The following ARHGAP24 variants were observed in gnomAD, a reference collection of about 807,000 sequenced individuals.
ARHGAP24 encodes Rho GTPase activating protein 24.
ARHGAP24 carries 50 observed loss-of-function variants against 76.4 expected under a neutral mutation model. The ratio of observed to expected loss-of-function variants is 0.65; its 90% CI spans 0.52 to 0.83. The LOEUF (loss-of-function observed/expected upper bound fraction) is 0.83, where lower values mean the gene tolerates loss of function less well. Ranked by LOEUF, ARHGAP24 falls within the 40% of genes least tolerant of loss-of-function variation. ARHGAP24 has a pLI of 0.00. For synonymous variants in ARHGAP24, 345 were observed against 323.3 expected, an observed-to-expected ratio of 1.07 and a Z score of -0.72; for missense variants, 930 against 914.2, an observed-to-expected ratio of 1.02 and a Z score of -0.22.
chr4:85,665,334 A>C (rs1439706530), intron 2 of ARHGAP24, among the ~76,000 whole-genome samples: 1 of 152,050 alleles, frequency 6.6e-6, no homozygotes, highest in African/African-American at 2.4e-5. Flanking sequence ...CTAGGATTGC[A>C]ACCCCTGCCT....
chr4:85,524,392 A>G (rs1724902938), intron 1 of ARHGAP24, among the ~76,000 whole-genome samples: 1 of 152,142 alleles, frequency 6.6e-6, no homozygotes, highest in Non-Finnish European at 1.5e-5. Context: ...TAAAATTTCT[A>G]CCATTTAATG....
At chr4:85,718,198 G>T (rs1724802715) in intron 2 of ARHGAP24, among the ~76,000 whole-genome samples, 2 of 152,080 alleles carry the variant, frequency 1.3e-5, no homozygotes, top group Admixed American at 6.6e-5. Context: ...AATTATAAAT[G>T]TATTACAGCA....
intron 2 of ARHGAP24, among the ~76,000 whole-genome samples, chr4:85,621,973 G>A (rs996593313): frequency 3.3e-5 from 5 of 151,956 alleles, no homozygotes; most frequent in African/African-American, 1.2e-4. Context: ...AGTTTTATTT[G>A]TAGGTGTTTA....
At position 85,900,741 on chromosome 4, in the gene ARHGAP24, C is replaced by T. The variant is rs552603637; in HGVS notation, c.269-22907C>T. Among the ~76,000 whole-genome samples, 92 of 152,202 alleles carry T rather than the reference C, an allele frequency of 6.0e-4. No homozygotes were observed. In the South Asian group the frequency reaches 0.019, roughly 31 times the overall value. ...GCGCCCGGCTGGGAAGACCGTTCTT[C>T]GCACCACAAAGGCAAGGGATTCTCC... On this transcript the variant is annotated intron_variant, in intron 3 of 9. Transcript: ENST00000395184.
At chr4:85,968,553 T>C (rs1738768326) in intron 5 of ARHGAP24, among the ~76,000 whole-genome samples, 1 of 152,124 alleles carries the variant, frequency 6.6e-6, no homozygotes, top group African/African-American at 2.4e-5. Flanking sequence ...GAGAGTATGA[T>C]TGACAGGGTT....
chr4:85,513,046 G>A (rs529975079), intron 1 of ARHGAP24, among the ~76,000 whole-genome samples: 1 of 152,342 alleles, frequency 6.6e-6, no homozygotes, highest in Non-Finnish European at 1.5e-5. Flanking sequence ...TCTGCCTTGT[G>A]AATCGTAGGT....
intron 3 of ARHGAP24, among the ~76,000 whole-genome samples, chr4:85,742,798 C>T (rs1725874623): frequency 6.6e-6 from 1 of 152,104 alleles, no homozygotes; most frequent in African/African-American, 2.4e-5. Flanking sequence ...TCTTAGGAGG[C>T]AAAAACAATT....
At chr4:85,487,789 T>TATAATATATA in intron 1 of ARHGAP24, among the ~76,000 whole-genome samples, 1 of 111,426 alleles carries the variant, frequency 9.0e-6, no homozygotes, top group African/African-American at 3.7e-5. Flanking sequence ...TTATATATTA[T>TATAATATATA]ATAAATATAT....
At chr4:85,889,717 T>G (rs1733776619) in intron 3 of ARHGAP24, among the ~76,000 whole-genome samples, 1 of 152,182 alleles carries the variant, frequency 6.6e-6, no homozygotes, top group African/African-American at 2.4e-5. Context: ...ACATTAATTC[T>G]CCTGAAATTC....
At chr4:85,510,973 T>A (rs894280102) in intron 1 of ARHGAP24, among the ~76,000 whole-genome samples, 7 of 152,186 alleles carry the variant, frequency 4.6e-5, no homozygotes, top group African/African-American at 1.7e-4. Context: ...CCCACCCTAG[T>A]ATTAGTCTGT....
At chr4:85,960,496 G>T (rs1560747521) in intron 5 of ARHGAP24, among the ~76,000 whole-genome samples, 4 of 152,110 alleles carry the variant, frequency 2.6e-5, no homozygotes, top group Non-Finnish European at 5.9e-5. Flanking sequence ...CTCAAAGAAG[G>T]TGGAGGATTT....
intron 2 of ARHGAP24, among the ~76,000 whole-genome samples, chr4:85,627,731 C>T (rs1258202708): frequency 6.6e-6 from 1 of 152,230 alleles, no homozygotes; most frequent in African/African-American, 2.4e-5. Flanking sequence ...GTTCCAGCTT[C>T]CCCGGCTGCT....
At chr4:85,832,577 G>A (rs1186538377) in intron 3 of ARHGAP24, among the ~76,000 whole-genome samples, 1 of 152,202 alleles carries the variant, frequency 6.6e-6, no homozygotes, top group Non-Finnish European at 1.5e-5. Context: ...CAATGGGTTA[G>A]TCCATTGTGG....
At chr4:85,632,271 T>C (rs1721182268) in intron 2 of ARHGAP24, among the ~76,000 whole-genome samples, 1 of 152,046 alleles carries the variant, frequency 6.6e-6, no homozygotes, top group Admixed American at 6.6e-5. Context: ...TTTAAAAGAA[T>C]GAAAAATATA....
intron 3 of ARHGAP24, among the ~76,000 whole-genome samples, chr4:85,898,029 A>ATG (rs1376648156): frequency 4.2e-4 from 23 of 54,870 alleles, no homozygotes; most frequent in Admixed American, 1.6e-3. Context: ...ACACACATAT[A>ATG]TGTGTATATA....
intron 5 of ARHGAP24, among the ~76,000 whole-genome samples, chr4:85,968,546 A>T (rs1738766783): frequency 6.6e-6 from 1 of 152,174 alleles, no homozygotes; most frequent in Non-Finnish European, 1.5e-5. Context: ...AAGGCTAGAG[A>T]GTATGATTGA....
intron 1 of ARHGAP24, among the ~76,000 whole-genome samples, chr4:85,518,770 T>C (rs768052469): frequency 6.6e-6 from 1 of 152,206 alleles, no homozygotes; most frequent in Non-Finnish European, 1.5e-5. Flanking sequence ...CATTGATTGA[T>C]GGGCATTTGG....
intron 2 of ARHGAP24, among the ~76,000 whole-genome samples, chr4:85,608,503 C>CTTCATA (rs1266102762): frequency 1.4e-5 from 2 of 145,982 alleles, no homozygotes; most frequent in African/African-American, 2.5e-5. Flanking sequence ...TGGCCCTGTG[C>CTTCATA]TTCATATAGT....
At chr4:85,509,347 A>T (rs566140401) in intron 1 of ARHGAP24, among the ~76,000 whole-genome samples, 169 of 151,190 alleles carry the variant, frequency 1.1e-3, no homozygotes, top group East Asian at 1.5e-3. Flanking sequence ...AAGTATAATT[A>T]AAAAAAATTC....
Sources: gnomAD v4.1 joint callset for allele counts (sites outside exome capture counted in the v4.1 genomes callset) on GRCh38, gnomAD v4.1.1 for gene constraint, MANE v1.5 for transcripts, NCBI Gene and HGNC (gene_info 2026-07-23, HGNC 2026-07-21) for gene names.